The following NLGN1 variants were observed in gnomAD, a reference collection of about 807,000 sequenced individuals.
The protein encoded by NLGN1 is neuroligin-1.
Under a neutral mutation model 65.5 loss-of-function variants are expected in NLGN1, and 12 were observed. The ratio of observed to expected loss-of-function variants is 0.18; its 90% CI spans 0.12 to 0.30. NLGN1 has a LOEUF of 0.30. Among genes scored for constraint, NLGN1 ranks in the 10% least tolerant of loss-of-function variants. The pLI, the probability that NLGN1 is intolerant of heterozygous loss-of-function variation, is 1.00. For synonymous variants in NLGN1, 350 were observed against 359.5 expected (o/e 0.97, Z 0.30); for missense variants, 750 against 1,007.1 (o/e 0.74, Z 3.46).
chr3:173,561,000 A>G (rs1309778314), intron 2 of NLGN1, among the ~76,000 whole-genome samples: 1 of 152,198 alleles, frequency 6.6e-6, no homozygotes, highest in African/African-American at 2.4e-5. Flanking sequence ...TCTATCAACT[A>G]TCATCATACA....
intron 4 of NLGN1, among the ~76,000 whole-genome samples, chr3:174,129,018 T>C (rs1256844585): frequency 6.6e-6 from 1 of 152,120 alleles, no homozygotes; most frequent in Non-Finnish European, 1.5e-5. Flanking sequence ...CTGGACATTA[T>C]AGGTAACAAG....
chr3:173,531,078 T>C (rs760773010), intron 2 of NLGN1, among the ~76,000 whole-genome samples: 11 of 152,148 alleles, frequency 7.2e-5, no homozygotes, highest in Non-Finnish European at 1.5e-4. Context: ...ATTACTTTAT[T>C]AGAAAAAATT....
At chr3:174,086,175 G>A (rs1743189743) in intron 4 of NLGN1, among the ~76,000 whole-genome samples, 1 of 144,586 alleles carries the variant, frequency 6.9e-6, no homozygotes, top group Non-Finnish European at 1.5e-5. Context: ...ATTTGATGAA[G>A]TATATATATG....
chr3:173,824,657 T>C (rs766785530), intron 4 of NLGN1, among the ~76,000 whole-genome samples: 4 of 152,088 alleles, frequency 2.6e-5, no homozygotes, highest in African/African-American at 4.8e-5. Context: ...GTTAGATTTC[T>C]TTTTTCTTTT....
chr3:174,271,743 T>C (rs1409404548), intron 4 of NLGN1, among the ~76,000 whole-genome samples: 2 of 151,752 alleles, frequency 1.3e-5, no homozygotes, highest in African/African-American at 4.8e-5. Flanking sequence ...TTTTTGATGA[T>C]AGACTGAGTT....
At chr3:173,586,857 G>A (rs1025438449) in intron 2 of NLGN1, among the ~76,000 whole-genome samples, 2 of 152,174 alleles carry the variant, frequency 1.3e-5, no homozygotes, top group Non-Finnish European at 2.9e-5. Flanking sequence ...CTGTGTATTG[G>A]CACAGTCTAG....
chr3:173,976,586 T>C (rs1317399796), intron 4 of NLGN1, among the ~76,000 whole-genome samples: 1 of 152,216 alleles, frequency 6.6e-6, no homozygotes, highest in Admixed American at 6.6e-5. Context: ...GTTCTAGTTA[T>C]TATTTTTGCT....
intron 2 of NLGN1, among the ~76,000 whole-genome samples, chr3:173,443,386 T>C (rs983361925): frequency 5.5e-4 from 83 of 150,306 alleles, no homozygotes; most frequent in African/African-American, 1.9e-3. Flanking sequence ...TCTTTGTGAT[T>C]AAATTATTAA....
chr3:174,066,449 T>C (rs976024958), intron 4 of NLGN1, among the ~76,000 whole-genome samples: 1 of 151,682 alleles, frequency 6.6e-6, no homozygotes, highest in Non-Finnish European at 1.5e-5. Flanking sequence ...TTGATTCTCT[T>C]TCCTTTCACT....
At chr3:173,931,435 G>A (rs1330708774) in intron 4 of NLGN1, among the ~76,000 whole-genome samples, 2 of 152,100 alleles carry the variant, frequency 1.3e-5, no homozygotes, top group African/African-American at 2.4e-5. Flanking sequence ...GGTCATGGAA[G>A]GCTTCAATGA....
chr3:173,854,321 A>G (rs2150756981), intron 4 of NLGN1, among the ~76,000 whole-genome samples: 1 of 152,170 alleles, frequency 6.6e-6, no homozygotes, highest in East Asian at 1.9e-4. Context: ...GTGTATTAAA[A>G]GGAAAACAGT....
chr3:174,015,783 C>T (rs1021415212), intron 4 of NLGN1, among the ~76,000 whole-genome samples: 4 of 152,066 alleles, frequency 2.6e-5, no homozygotes, highest in Non-Finnish European at 5.9e-5. Flanking sequence ...GAATTAGATT[C>T]TCTGATTTTT....
intron 2 of NLGN1, among the ~76,000 whole-genome samples, chr3:173,528,580 T>A (rs891666397): frequency 6.6e-6 from 1 of 152,210 alleles, no homozygotes; most frequent in Non-Finnish European, 1.5e-5. Context: ...TAACTATAAT[T>A]CATAGGTTTG....
rs572172028 is a variant in NLGN1, at chr3:174,158,212, A to G, written c.647-117103A>G. On this transcript the variant is annotated intron_variant, in intron 4 of 6. Coordinates refer to ENST00000457714, the Ensembl canonical transcript of NLGN1. ...AGTCTCCTTTTATTTTCATGTGCTA[A>G]CCAATAAAATTTCACACGTTTCTCA... Among the ~76,000 whole-genome samples the G allele has an allele frequency of 3.3e-5, 5 of 151,892 alleles. No individual in the cohort carries two copies. In the South Asian group the frequency reaches 8.3e-4, roughly 25 times the overall value.
chr3:173,655,756 T>TA (rs11290973), intron 3 of NLGN1, among the ~76,000 whole-genome samples: 135 of 148,616 alleles, frequency 9.1e-4, no homozygotes, highest in Non-Finnish European at 1.3e-3. Context: ...CAGTTAAAAT[T>TA]AAAAAAAAAA....
At chr3:174,002,487 G>A (rs909292073) in intron 4 of NLGN1, among the ~76,000 whole-genome samples, 10 of 152,138 alleles carry the variant, frequency 6.6e-5, no homozygotes, top group Admixed American at 3.9e-4. Context: ...TTAATGACTT[G>A]TAATCAGTAA....
At chr3:173,529,538 A>G (rs1384359146) in intron 2 of NLGN1, among the ~76,000 whole-genome samples, 7 of 152,186 alleles carry the variant, frequency 4.6e-5, no homozygotes, top group Non-Finnish European at 1.0e-4. Flanking sequence ...CACCAGCTGC[A>G]TGCCCTAGAT....
chr3:173,843,441 A>C (rs1288802025), intron 4 of NLGN1, among the ~76,000 whole-genome samples: 3 of 152,222 alleles, frequency 2.0e-5, no homozygotes, highest in African/African-American at 7.2e-5. Context: ...CAAATTTTCC[A>C]AACTTCTATG....
intron 3 of NLGN1, among the ~76,000 whole-genome samples, chr3:173,745,588 T>C (rs1175878862): frequency 2.0e-5 from 3 of 151,986 alleles, no homozygotes; most frequent in African/African-American, 7.3e-5. Flanking sequence ...TATACATTGT[T>C]TGAGACTGAA....
Sources: gnomAD v4.1 joint callset for allele counts (sites outside exome capture counted in the v4.1 genomes callset) on GRCh38, gnomAD v4.1.1 for gene constraint, MANE v1.5 for transcripts, NCBI Gene and HGNC (gene_info 2026-07-23, HGNC 2026-07-21) for gene names.